Variants in UNC13B observed in about 807,000 individuals in gnomAD.
UNC13B encodes unc-13 homolog B.
Under a neutral mutation model 211.0 loss-of-function variants are expected in UNC13B, and 144 were observed. The ratio of observed to expected loss-of-function variants is 0.68; its 90% CI spans 0.60 to 0.78. UNC13B has a LOEUF of 0.78. Ranked by LOEUF, UNC13B falls within the 30% of genes least tolerant of loss-of-function variation. The pLI, the probability that UNC13B is intolerant of heterozygous loss-of-function variation, is 0.00. For synonymous variants in UNC13B, 709 were observed against 725.8 expected, an observed-to-expected ratio of 0.98 and a Z score of 0.37; for missense variants, 1,777 against 2,002.0, an observed-to-expected ratio of 0.89 and a Z score of 2.14.
intron 11 of UNC13B, among the ~76,000 whole-genome samples, chr9:35,317,906 T>A (rs1000164900): frequency 6.6e-6 from 1 of 152,050 alleles, no homozygotes; most frequent in Non-Finnish European, 1.5e-5. Flanking sequence ...TATTTCTAAG[T>A]TTTTTAAAAG....
At chr9:35,249,542 G>T (rs1471768829) in intron 6 of UNC13B, among the ~76,000 whole-genome samples, 3 of 152,140 alleles carry the variant, frequency 2.0e-5, no homozygotes, top group Non-Finnish European at 4.4e-5. Flanking sequence ...CTCTTGTAGG[G>T]CATGCCTGGT....
chr9:35,281,384 C>T (rs1465017442), intron 7 of UNC13B, among the ~76,000 whole-genome samples: 3 of 146,874 alleles, frequency 2.0e-5, no homozygotes, highest in East Asian at 2.0e-4. Flanking sequence ...CCACTGCACT[C>T]GAGCCTGGGA....
rs1829621391 is a variant in UNC13B, at chr9:35,300,529, T to C, written c.1125T>C (p.Ser375=). The part of the protein sequence containing the change: ...TSLDILEDST[S]STSDELLGSP... Reference sequence around the variant, plus strand: ...TAGATATTCTTGAAGATTCTACTAGTAGTACTTCTGATGAACTTCTGGGTT... The same window carrying C: ...TAGATATTCTTGAAGATTCTACTAGCAGTACTTCTGATGAACTTCTGGGTT... Residue 375 remains serine (S), a synonymous_variant, in exon 9 of 40, where the codon AGT becomes AGC. Coordinates refer to ENST00000635942, the MANE Select transcript of UNC13B (RefSeq NM_001371189.2). The C allele has an allele frequency of 2.5e-6, 1 of 398,926 alleles. No individual in the cohort carries two copies. Among genetic ancestry groups the C allele is most frequent in the African/African-American group, 2.1e-5 (1 of 48,636 alleles). The allele number at this position is 398,926 out of a possible 1,614,324, so 24.7% of individuals were successfully genotyped here.
Position 35,213,179 on chromosome 9 carries a change from A to G in UNC13B, c.23-14836A>G, listed in dbSNP as rs372834932. Among the ~76,000 whole-genome samples the G allele has an allele frequency of 7.6e-4, 116 of 152,272 alleles. 2 individuals carry two copies. The South Asian group carries it at 0.019, about 25-fold the overall frequency. ...CCCTCCACCAAATCCCTATGTTGAA[A>G]CCCCAGCTCCCAATGTGATGGTATT... On this transcript the variant is annotated intron_variant, in intron 1 of 39. Transcript: ENST00000635942.
intron 8 of UNC13B, 125 bp downstream of exon 8, chr9:35,296,055 C>G: frequency 1.2e-6 from 1 of 806,802 alleles, no homozygotes; most frequent in Non-Finnish European, 2.0e-6. Flanking sequence ...ACCGGCCAAA[C>G]TACAGTCATT....
In UNC13B at chr9:35,404,463, G is replaced by T. The variant is rs1199786136; in HGVS notation, c.*430G>T. 3 of 200,090 alleles carry T rather than the reference G, an allele frequency of 1.5e-5. No homozygotes were observed. The East Asian group carries it at 3.4e-4, about 23-fold the overall frequency. 12.4% of individuals were successfully genotyped at this position (200,090 alleles called of 1,614,324 possible). A position where few individuals can be genotyped will look rare whatever the true frequency, so the allele number is the denominator to read the frequency against. ...TTGTGCCTGGCTGGCTGGGTAGTCA[G>T]CTGAGCCTGTTGCTGAGCCCGGTGG... On this transcript the variant is annotated 3_prime_UTR_variant, in exon 40 of 40. Coordinates refer to ENST00000635942, the MANE Select transcript of UNC13B (RefSeq NM_001371189.2).
intron 7 of UNC13B, among the ~76,000 whole-genome samples, chr9:35,280,208 T>C (rs1828405365): frequency 6.6e-6 from 1 of 152,154 alleles, no homozygotes; most frequent in South Asian, 2.1e-4. Context: ...CAGGAAGGCA[T>C]TCTAGAAAAG....
chr9:35,370,189 T>C, intron 12 of UNC13B, 129 bp from the exon 13 acceptor site: 3 of 679,748 alleles, frequency 4.4e-6, no homozygotes, highest in Non-Finnish European at 4.9e-6. Context: ...CTTCCCGTCC[T>C]AAAAGCACAT....
chr9:35,333,579 C>A (rs1305921534), intron 11 of UNC13B, among the ~76,000 whole-genome samples: 2 of 152,232 alleles, frequency 1.3e-5, no homozygotes, highest in African/African-American at 4.8e-5. Context: ...CTTTACCCAT[C>A]CTCTATCCTC....
chr9:35,224,480 T>C (rs1824727894), intron 1 of UNC13B, among the ~76,000 whole-genome samples: 1 of 152,226 alleles, frequency 6.6e-6, no homozygotes, highest in Non-Finnish European at 1.5e-5. Context: ...TGATTTTGTA[T>C]TATGCAACTT....
chr9:35,358,478 TG>T (rs895413339), intron 11 of UNC13B, among the ~76,000 whole-genome samples: 3 of 152,208 alleles, frequency 2.0e-5, no homozygotes, highest in South Asian at 2.1e-4. Flanking sequence ...TTTTCTGTTT[TG>T]TTTTTTTTAA....
chr9:35,374,419 G>A (rs1834256292), intron 13 of UNC13B, among the ~76,000 whole-genome samples: 1 of 109,262 alleles, frequency 9.2e-6, no homozygotes, highest in African/African-American at 3.8e-5. Flanking sequence ...TCTGGGCTTG[G>A]CAGATACATG....
chr9:35,397,056 G>C, intron 28 of UNC13B, 111 bp from the exon 29 acceptor site: 1 of 1,593,228 alleles, frequency 6.3e-7, no homozygotes. Flanking sequence ...GTTCACAGGA[G>C]GGCTGTTGAG....
At chr9:35,390,383 C>T (rs1468760615) in intron 25 of UNC13B, among the ~76,000 whole-genome samples, 2 of 152,226 alleles carry the variant, frequency 1.3e-5, no homozygotes, top group Non-Finnish European at 2.9e-5. Context: ...CCTCTCAATT[C>T]CCTGCCTTCT....
At chr9:35,165,328 A>AT (rs1820976357) in intron 1 of UNC13B, among the ~76,000 whole-genome samples, 1 of 152,012 alleles carries the variant, frequency 6.6e-6, no homozygotes, top group Non-Finnish European at 1.5e-5. Context: ...GGCTATGTAG[A>AT]TTTTTTGACA....
At chr9:35,335,033 G>A (rs1448411344) in intron 11 of UNC13B, among the ~76,000 whole-genome samples, 2 of 152,146 alleles carry the variant, frequency 1.3e-5, no homozygotes, top group African/African-American at 2.4e-5. Context: ...GTGAGACTCC[G>A]TCTCAAAACA....
At chr9:35,382,280 A>G in intron 20 of UNC13B, 77 bp from the exon 21 acceptor site, 2 of 1,535,274 alleles carry the variant, frequency 1.3e-6, no homozygotes, top group Non-Finnish European at 1.7e-6. Context: ...TTTATCCCAT[A>G]AACTTTTAGA....
chr9:35,319,167 A>G (rs1187733811), intron 11 of UNC13B, among the ~76,000 whole-genome samples: 1 of 152,050 alleles, frequency 6.6e-6, no homozygotes, highest in Non-Finnish European at 1.5e-5. Flanking sequence ...GGCTGAGTGC[A>G]GTGGCTTATG....
intron 1 of UNC13B, among the ~76,000 whole-genome samples, chr9:35,184,162 A>T (rs4879882): frequency 0.051 from 7,046 of 138,806 alleles, 385 homozygotes; most frequent in East Asian, 0.34. Flanking sequence ...GGTGGCGGCC[A>T]GGCAGAGGCG....
Sources: allele counts gnomAD v4.1 joint callset (sites outside exome capture counted in the v4.1 genomes callset), GRCh38; gene constraint gnomAD v4.1.1; transcripts MANE v1.5; gene names NCBI Gene and HGNC (gene_info 2026-07-23, HGNC 2026-07-21).